Variants in CEP128 observed in about 807,000 individuals in gnomAD.
CEP128 encodes the protein centrosomal protein 128kDa.
Under a neutral mutation model 156.7 loss-of-function variants are expected in CEP128, and 132 were observed. The ratio of observed to expected loss-of-function variants is 0.84; its 90% CI spans 0.73 to 0.97. The LOEUF is 0.97. CEP128 is among the 50% of genes least tolerant of loss of function. The probability of loss-of-function intolerance (pLI) is 0.00; values close to 1 mark genes in which losing one functional copy is unlikely to be tolerated. For synonymous variants in CEP128, 469 were observed against 448.9 expected, an observed-to-expected ratio of 1.04 and a Z score of -0.57; for missense variants, 1,252 against 1,281.9, an observed-to-expected ratio of 0.98 and a Z score of 0.36.
chr14:80,866,184 T>TC (rs771267112), intron 8 of CEP128, among the ~76,000 whole-genome samples: 1 of 151,692 alleles, frequency 6.6e-6, no homozygotes, highest in African/African-American at 2.4e-5. Flanking sequence ...CTCTGGGCCT[T>TC]CCCCCGTGGG....
intron 19 of CEP128, among the ~76,000 whole-genome samples, chr14:80,596,053 G>GAA (rs55831009): frequency 9.2e-5 from 10 of 109,112 alleles, no homozygotes; most frequent in African/African-American, 3.4e-4. Context: ...TATCAGCAGG[G>GAA]AAAAAAAAAA....
At position 80,711,894 on chromosome 14, in the gene CEP128, C is replaced by G. The variant is rs140547642; in HGVS notation, c.2806+31181G>C. Among the ~76,000 whole-genome samples the G allele has an allele frequency of 6.7e-3, 1,023 of 151,838 alleles. 11 individuals carry two copies. The highest frequency in any genetic ancestry group is 0.023 in the African/African-American group (956 of 41,434). Reference sequence around the variant, plus strand: ...AAAAGAATGTAAAAAATAAAAAATTCGAGTGAAAATAATTTCAATGGTGTT... The same window carrying G: ...AAAAGAATGTAAAAAATAAAAAATTGGAGTGAAAATAATTTCAATGGTGTT... On this transcript the variant is annotated intron_variant, in intron 19 of 24. Coordinates refer to ENST00000555265, the MANE Select transcript of CEP128 (RefSeq NM_152446.5).
intron 8 of CEP128, among the ~76,000 whole-genome samples, chr14:80,868,036 G>A (rs980110648): frequency 6.6e-6 from 1 of 152,054 alleles, no homozygotes; most frequent in Admixed American, 6.6e-5. Context: ...AACCAGGAGA[G>A]AATGAGATGA....
At chr14:80,760,861 C>T (rs528515860) in intron 17 of CEP128, among the ~76,000 whole-genome samples, 13 of 152,112 alleles carry the variant, frequency 8.5e-5, no homozygotes, top group African/African-American at 3.1e-4. Context: ...ACAGGGAAGG[C>T]GGATAACATA....
intron 19 of CEP128, among the ~76,000 whole-genome samples, chr14:80,678,440 T>C (rs974332167): frequency 6.6e-6 from 1 of 151,278 alleles, no homozygotes; most frequent in Admixed American, 6.6e-5. Context: ...CCCCACAAAA[T>C]GGCAGATTAG....
At chr14:80,585,758 T>C (rs1232643546) in intron 19 of CEP128, among the ~76,000 whole-genome samples, 4 of 152,190 alleles carry the variant, frequency 2.6e-5, no homozygotes, top group African/African-American at 4.8e-5. Flanking sequence ...TGTCTCGACA[T>C]TTACCAAACA....
intron 17 of CEP128, among the ~76,000 whole-genome samples, chr14:80,758,197 C>T (rs1396983909): frequency 6.6e-6 from 1 of 152,060 alleles, no homozygotes; most frequent in Admixed American, 6.5e-5. Context: ...ATTTGCTTTA[C>T]AGATTTACCT....
chr14:80,619,579 A>G (rs937717504), intron 19 of CEP128, among the ~76,000 whole-genome samples: 1 of 151,182 alleles, frequency 6.6e-6, no homozygotes, highest in African/African-American at 2.4e-5. Flanking sequence ...GTGGGTGCCT[A>G]TAGTCCCAGC....
intron 23 of CEP128, among the ~76,000 whole-genome samples, chr14:80,518,428 AAT>A (rs1888592292): frequency 6.6e-6 from 1 of 152,058 alleles, no homozygotes; most frequent in African/African-American, 2.4e-5. Context: ...GTACATGAAA[AAT>A]ATGTGTAATT....
intron 20 of CEP128, among the ~76,000 whole-genome samples, chr14:80,574,583 C>T (rs1039989218): frequency 6.6e-6 from 1 of 152,036 alleles, no homozygotes; most frequent in African/African-American, 2.4e-5. Context: ...TTTTCCTGCC[C>T]GGTTTATCTC....
At chr14:80,872,268 G>A (rs228126) in intron 8 of CEP128, among the ~76,000 whole-genome samples, 74,764 of 151,954 alleles carry the variant, frequency 0.49, 18,905 homozygotes, top group African/African-American at 0.57. Flanking sequence ...AATATTGATT[G>A]CGTATCACCA....
intron 19 of CEP128, among the ~76,000 whole-genome samples, chr14:80,687,331 G>A (rs993462447): frequency 1.3e-5 from 2 of 152,006 alleles, no homozygotes; most frequent in African/African-American, 2.4e-5. Context: ...ATCAACCTAG[G>A]AGCCTATCAA....
chr14:80,929,294 A>G (rs1209499676), intron 2 of CEP128, among the ~76,000 whole-genome samples: 1 of 152,216 alleles, frequency 6.6e-6, no homozygotes, highest in Non-Finnish European at 1.5e-5. Flanking sequence ...TACAACCTCT[A>G]TGGAAAATAG....
At chr14:80,791,555 T>C (rs1901706500) in intron 14 of CEP128, among the ~76,000 whole-genome samples, 4 of 152,156 alleles carry the variant, frequency 2.6e-5, no homozygotes. Flanking sequence ...GCTACCTACC[T>C]ACCTTACAGT....
intron 19 of CEP128, among the ~76,000 whole-genome samples, chr14:80,635,934 T>C (rs926789403): frequency 6.6e-6 from 1 of 152,220 alleles, no homozygotes. Context: ...GTATAAGGTG[T>C]ATATGAAACA....
chr14:80,673,382 GCC>G (rs1566847745), intron 19 of CEP128, among the ~76,000 whole-genome samples: 2 of 152,088 alleles, frequency 1.3e-5, no homozygotes, highest in East Asian at 3.9e-4. Context: ...GGTGGCTCAC[GCC>G]TGTAATCCCA....
intron 23 of CEP128, among the ~76,000 whole-genome samples, chr14:80,511,571 A>AT (rs906205072): frequency 4.6e-5 from 7 of 151,540 alleles, no homozygotes; most frequent in Admixed American, 1.3e-4. Context: ...GATATTTTGT[A>AT]TTTTTTTCAT....
chr14:80,613,438 G>A (rs1281831256), intron 19 of CEP128, among the ~76,000 whole-genome samples: 1 of 150,182 alleles, frequency 6.7e-6, no homozygotes, highest in Non-Finnish European at 1.5e-5. Flanking sequence ...GAGTAATTGG[G>A]ACTACAGGCG....
chr14:80,481,312 A>C (rs1887048831), intron 14 of CEP128, among the ~76,000 whole-genome samples: 1 of 152,158 alleles, frequency 6.6e-6, no homozygotes, highest in Non-Finnish European at 1.5e-5. Flanking sequence ...ACCCCTGATA[A>C]ACCCATTAGC....
Sources: allele counts gnomAD v4.1 joint callset (sites outside exome capture counted in the v4.1 genomes callset), GRCh38; gene constraint gnomAD v4.1.1; transcripts MANE v1.5; gene names NCBI Gene and HGNC (gene_info 2026-07-23, HGNC 2026-07-21).